The following ENTREP2 variants were observed in gnomAD, a reference collection of about 807,000 sequenced individuals.
ENTREP2 encodes the protein endosomal transmembrane epsin interactor 2, also known as protein ENTREP2.
the ENTREP2 span, among the ~76,000 whole-genome samples, chr15:29,118,784 T>C: frequency 7.3e-6 from 1 of 136,550 alleles, no homozygotes; most frequent in Non-Finnish European, 1.6e-5. Flanking sequence ...AGAGTGACAA[T>C]TCTGGCAGCT....
the ENTREP2 span, among the ~76,000 whole-genome samples, chr15:29,144,254 C>T: frequency 1.3e-5 from 2 of 152,152 alleles, no homozygotes; most frequent in Non-Finnish European, 2.9e-5. Context: ...TACATACATA[C>T]TGAACCCATT....
At chr15:29,253,929 A>G in the ENTREP2 span, among the ~76,000 whole-genome samples, 10 of 152,122 alleles carry the variant, frequency 6.6e-5, no homozygotes, top group Admixed American at 4.6e-4. Flanking sequence ...TCATATATGA[A>G]AAGCAGGATA....
At chr15:29,162,856 C>G in the ENTREP2 span, among the ~76,000 whole-genome samples, 1 of 152,148 alleles carries the variant, frequency 6.6e-6, no homozygotes, top group Non-Finnish European at 1.5e-5. Context: ...CCAACCCGCA[C>G]AAAAATAGAG....
chr15:29,566,259 C>T, the ENTREP2 span, among the ~76,000 whole-genome samples: 1 of 145,850 alleles, frequency 6.9e-6, no homozygotes, highest in African/African-American at 2.6e-5. Flanking sequence ...CCTGGGTTCA[C>T]GCCATTCTCC....
the ENTREP2 span, among the ~76,000 whole-genome samples, chr15:29,444,222 GAA>G: frequency 4.0e-5 from 6 of 148,714 alleles, no homozygotes; most frequent in African/African-American, 1.3e-4. Context: ...AAGAAAGAAA[GAA>G]AGAAAGAAAG....
the ENTREP2 span, among the ~76,000 whole-genome samples, chr15:29,225,677 G>A: frequency 2.6e-4 from 39 of 152,172 alleles, no homozygotes; most frequent in African/African-American, 5.5e-4. Flanking sequence ...GTAGTATCAC[G>A]GTCGAGCATG....
the ENTREP2 span, among the ~76,000 whole-genome samples, chr15:29,634,988 G>C: frequency 6.6e-6 from 1 of 152,136 alleles, no homozygotes. Context: ...GGGACTACAG[G>C]CGCCTGCCAC....
the ENTREP2 span, among the ~76,000 whole-genome samples, chr15:29,592,190 C>A: frequency 2.6e-5 from 4 of 152,152 alleles, no homozygotes; most frequent in Non-Finnish European, 4.4e-5. Flanking sequence ...GGCACCCAGG[C>A]ATGGCAAGGG....
the ENTREP2 span, among the ~76,000 whole-genome samples, chr15:29,162,171 G>T: frequency 6.6e-6 from 1 of 152,178 alleles, no homozygotes; most frequent in African/African-American, 2.4e-5. Flanking sequence ...AGCTCCCTGG[G>T]TCCCCAAGCA....
chr15:29,368,899 T>C, the ENTREP2 span, among the ~76,000 whole-genome samples: 1 of 150,890 alleles, frequency 6.6e-6, no homozygotes. Context: ...AATAACCAAA[T>C]AGAAATTATA....
chr15:29,621,219 C>T, the ENTREP2 span, among the ~76,000 whole-genome samples: 1 of 151,026 alleles, frequency 6.6e-6, no homozygotes, highest in African/African-American at 2.4e-5. Flanking sequence ...GAAACCCCGT[C>T]TCTACTAAAA....
At chr15:29,287,808 T>C in the ENTREP2 span, among the ~76,000 whole-genome samples, 3 of 152,146 alleles carry the variant, frequency 2.0e-5, no homozygotes, top group African/African-American at 7.2e-5. Context: ...GCAAAACAAG[T>C]CTGAACAACA....
the ENTREP2 span, among the ~76,000 whole-genome samples, chr15:29,623,704 C>G: frequency 3.3e-5 from 5 of 151,980 alleles, no homozygotes; most frequent in African/African-American, 7.3e-5. Flanking sequence ...TAAAAGGAGG[C>G]AATCAGATAA....
the ENTREP2 span, among the ~76,000 whole-genome samples, chr15:29,614,954 T>G: frequency 6.6e-6 from 1 of 152,166 alleles, no homozygotes; most frequent in Non-Finnish European, 1.5e-5. Flanking sequence ...AGGATGGGAT[T>G]TTCCATTCTA....
chr15:29,545,951 G>A, the ENTREP2 span, among the ~76,000 whole-genome samples: 1 of 152,160 alleles, frequency 6.6e-6, no homozygotes, highest in South Asian at 2.1e-4. Context: ...GGACTTAAAG[G>A]ATATGTAATA....
chr15:29,314,185 C>T, the ENTREP2 span, among the ~76,000 whole-genome samples: 1 of 152,182 alleles, frequency 6.6e-6, no homozygotes, highest in African/African-American at 2.4e-5. Context: ...ATTGAAATGA[C>T]AACAAAGGGT....
the ENTREP2 span, among the ~76,000 whole-genome samples, chr15:29,259,423 A>G: frequency 6.6e-6 from 1 of 152,126 alleles, no homozygotes; most frequent in Non-Finnish European, 1.5e-5. Flanking sequence ...AGCTCCCCCT[A>G]AAGTACCTGC....
chr15:29,268,215 G>C, the ENTREP2 span: 1 of 152,176 alleles, frequency 6.6e-6, no homozygotes, highest in Non-Finnish European at 1.5e-5. Context: ...AAACGAAGTG[G>C]AACTACGTGT....
the ENTREP2 span, among the ~76,000 whole-genome samples, chr15:29,608,986 G>GATCATCCTCCATAA: frequency 7.4e-6 from 1 of 135,740 alleles, no homozygotes; most frequent in East Asian, 2.7e-4. Flanking sequence ...TGGTATATCT[G>GATCATCCTCCATAA]GGGTTCTTCT....
Sources: gnomAD v4.1 joint callset for allele counts (sites outside exome capture counted in the v4.1 genomes callset) on GRCh38, gnomAD v4.1.1 for gene constraint, MANE v1.5 for transcripts, NCBI Gene and HGNC (gene_info 2026-07-23, HGNC 2026-07-21) for gene names.